The following ABCB9 variants were observed in gnomAD, a reference collection of about 807,000 sequenced individuals.
The protein encoded by ABCB9 is ABC-type oligopeptide transporter ABCB9.
Under a neutral mutation model 62.0 loss-of-function variants are expected in ABCB9, and 36 were observed. The observed-to-expected ratio is 0.58, with a 90% CI of 0.45 to 0.77. ABCB9 has a LOEUF of 0.77. Ranked by LOEUF, ABCB9 falls within the 30% of genes least tolerant of loss-of-function variation. ABCB9 has a pLI of 0.00. For synonymous variants in ABCB9, 435 were observed against 461.4 expected, an observed-to-expected ratio of 0.94 and a Z score of 0.73; for missense variants, 943 against 1,054.7, an observed-to-expected ratio of 0.89 and a Z score of 1.47.
intron 7 of ABCB9, among the ~76,000 whole-genome samples, chr12:122,941,347 T>C (rs932712188): frequency 1.3e-5 from 2 of 151,376 alleles, no homozygotes; most frequent in African/African-American, 4.9e-5. Context: ...TCTCCCTCTG[T>C]CGCCCAGGCT....
downstream of ABCB9, among the ~76,000 whole-genome samples, chr12:122,919,670 C>G (rs2034699888): frequency 6.6e-6 from 1 of 152,066 alleles, no homozygotes. Flanking sequence ...AGTTTATTAC[C>G]CAGTAGGATG....
At chr12:122,935,207 C>T in intron 10 of ABCB9, 65 bp downstream of exon 10, 1 of 1,490,524 alleles carries the variant, frequency 6.7e-7, no homozygotes. Context: ...GTGCTTAACT[C>T]AGAGGGTTAT....
chr12:122,957,812 C>A (rs1425596376), intron 2 of ABCB9, among the ~76,000 whole-genome samples: 1 of 150,062 alleles, frequency 6.7e-6, no homozygotes, highest in African/African-American at 2.5e-5. Context: ...CTCTGATGAT[C>A]CCAGCTCCAG....
intron 1 of ABCB9, among the ~76,000 whole-genome samples, chr12:122,972,441 G>A (rs1419463319): frequency 1.3e-5 from 2 of 152,176 alleles, no homozygotes; most frequent in Non-Finnish European, 2.9e-5. Context: ...GCGCTTCTAC[G>A]GGGGCTGGAA....
At chr12:122,960,428 A>C in intron 1 of ABCB9, 106 bp from the exon 2 acceptor site, 15 of 758,104 alleles carry the variant, frequency 2.0e-5, no homozygotes, top group Non-Finnish European at 3.1e-5. Flanking sequence ...TAGTTTTCTC[A>C]TCTGTAAAAT....
chr12:122,947,719 C>G lies in ABCB9; in HGVS notation c.1053+905G>C. On this transcript the variant is annotated intron_variant, in intron 5 of 11. Transcript: ENST00000280560. This position sits in a 1 kb window ranked among gnomAD's most constrained non-coding sequence, Gnocchi z 6.0. ...AGCAGAAGCAGTGCCGTGGGGTGGC[C>G]AGAGGGGACAGCAGCCTGCCCATGA... 1 of 256,774 alleles carries G rather than the reference C, an allele frequency of 3.9e-6. No individual in the cohort carries two copies. The highest frequency in any genetic ancestry group is 8.3e-6 in the Non-Finnish European group (1 of 121,032). 15.9% of individuals were successfully genotyped at this position (256,774 alleles called of 1,614,324 possible).
Position 122,959,514 on chromosome 12 carries a change from T to C in ABCB9, c.601+121A>G. On this transcript the variant is annotated intron_variant, in intron 2 of 11. Transcript: ENST00000280560. This position sits in a 1 kb window ranked among gnomAD's most constrained non-coding sequence, Gnocchi z 5.4. ...ATATGAGCCACTATGCCTGGCCTCT[T>C]TTCCTTTTCATATCAATTTGATGTC... The C allele has an allele frequency of 6.8e-7, 1 of 1,473,130 alleles. No homozygotes were observed. The highest frequency in any genetic ancestry group is 1.4e-5 in the South Asian group (1 of 70,168). 91.3% of individuals were successfully genotyped at this position (1,473,130 alleles called of 1,614,324 possible).
At chr12:122,954,946 AT>A (rs1412458179) in intron 2 of ABCB9, among the ~76,000 whole-genome samples, 2 of 152,204 alleles carry the variant, frequency 1.3e-5, no homozygotes, top group Non-Finnish European at 2.9e-5. Context: ...TTGAAAAATA[AT>A]TATTAATAAT....
chr12:122,951,551 T>C (rs1374051883), intron 2 of ABCB9: 1 of 152,122 alleles, frequency 6.6e-6, no homozygotes, highest in Non-Finnish European at 1.5e-5. Flanking sequence ...ATGAGATGAC[T>C]CGTCCAGGCC....
rs545516491 is a variant in ABCB9, at chr12:122,923,503, A to G, written c.2041-2460T>C. ...ACGGGGTTTCACTGTGTTAGCCAGG[A>G]TGGTCTCCATCTCCTGACCTCGTGA... On this transcript the variant is annotated intron_variant, in intron 11 of 11. Coordinates refer to the ABCB9 transcript ENST00000344275. Among the ~76,000 whole-genome samples, 7 of 152,042 alleles carry G rather than the reference A, an allele frequency of 4.6e-5. No individual in the cohort carries two copies. The South Asian group carries it at 1.2e-3, about 27-fold the overall frequency.
Position 122,932,348 on chromosome 12 carries a change from A to G in ABCB9, c.1904-20T>C. 3.2e-6 allele frequency: 5 copies of G among 1,543,212 alleles called. No individual in the cohort carries two copies. The highest frequency in any genetic ancestry group is 4.4e-6 in the Non-Finnish European group (5 of 1,141,104). On this transcript the variant is annotated intron_variant, in intron 10 of 11. Coordinates refer to ENST00000280560, the MANE Select transcript of ABCB9 (RefSeq NM_019625.4). The surrounding 1 kb of genome is among the most constrained non-coding windows in gnomAD (Gnocchi z 4.7). Reference sequence around the variant, plus strand: ...CTGTCTCTGTATGGTGGAGGCACAGAGACAATTTAGCAATGGGTGAGGCCG... The same window carrying G: ...CTGTCTCTGTATGGTGGAGGCACAGGGACAATTTAGCAATGGGTGAGGCCG...
chr12:122,942,618 CAAAAAAA>C (rs549481027), intron 7 of ABCB9, among the ~76,000 whole-genome samples: 2 of 50,806 alleles, frequency 3.9e-5, no homozygotes, highest in African/African-American at 1.5e-4. Flanking sequence ...GACTCCATCT[CAAAAAAA>C]AAAAAAAAAA....
At chr12:122,961,147 G>A (rs901642909) in intron 1 of ABCB9, among the ~76,000 whole-genome samples, 2 of 151,472 alleles carry the variant, frequency 1.3e-5, no homozygotes, top group African/African-American at 2.4e-5. Context: ...GGGTGAGGGT[G>A]AATAGGATAG....
At chr12:122,928,116 G>A (rs1467238247), downstream of ABCB9, among the ~76,000 whole-genome samples, 1 of 152,126 alleles carries the variant, frequency 6.6e-6, no homozygotes, top group Non-Finnish European at 1.5e-5. Context: ...ACCGCTAGAT[G>A]AGATCAGCCC....
Position 122,932,797 on chromosome 12 carries a change from A to G in ABCB9, c.1904-469T>C, listed in dbSNP as rs904303520. Among the ~76,000 whole-genome samples the G allele has an allele frequency of 4.6e-5, 7 of 152,224 alleles. No homozygotes were observed. The highest frequency in any genetic ancestry group is 4.1e-4 in the South Asian group (2 of 4,824). On this transcript the variant is annotated intron_variant, in intron 10 of 11. Transcript: ENST00000280560. This position sits in a 1 kb window ranked among gnomAD's most constrained non-coding sequence, Gnocchi z 4.7. The stretch of plus-strand genomic sequence containing the variant: ...GGACCGACTTCCTCCCATGCACAAC[A>G]ATATAGACACAGGTCACCTGTGACC...
At chr12:122,956,333 GC>G (rs369969668) in intron 2 of ABCB9, among the ~76,000 whole-genome samples, 34 of 152,156 alleles carry the variant, frequency 2.2e-4, no homozygotes, top group African/African-American at 7.7e-4. Context: ...TAAATAACTT[GC>G]CTAACCTCAC....
Position 122,932,438 on chromosome 12 carries a change from C to G in ABCB9, c.1904-110G>C. The G allele has an allele frequency of 2.9e-6, 4 of 1,382,748 alleles. No individual in the cohort carries two copies. The highest frequency in any genetic ancestry group is 3.8e-6 in the Non-Finnish European group (4 of 1,043,274). 85.7% of individuals were successfully genotyped at this position (1,382,748 alleles called of 1,614,324 possible). ...TGTGGAAAGGGCGGGCTGGAACCCACAACTTGAAAGCTCATGAAATGATGT... is the reference window on the plus strand; with the variant it reads ...TGTGGAAAGGGCGGGCTGGAACCCAGAACTTGAAAGCTCATGAAATGATGT... On this transcript the variant is annotated intron_variant, in intron 10 of 11. Coordinates refer to ENST00000280560, the MANE Select transcript of ABCB9 (RefSeq NM_019625.4). The surrounding 1 kb of genome is among the most constrained non-coding windows in gnomAD (Gnocchi z 4.7).
At chr12:122,946,618 A>T in intron 5 of ABCB9, 1 of 244,712 alleles carries the variant, frequency 4.1e-6, no homozygotes. Context: ...CAGGTTGTAC[A>T]CTATTTAAGA....
At chr12:122,919,881 G>T (rs373628717), downstream of ABCB9, among the ~76,000 whole-genome samples, 27 of 138,896 alleles carry the variant, frequency 1.9e-4, no homozygotes, top group African/African-American at 5.7e-4. Context: ...CTGTTTGTTT[G>T]TTTATTTATT....
Sources: gnomAD v4.1 joint callset for allele counts (sites outside exome capture counted in the v4.1 genomes callset) on GRCh38, gnomAD v4.1.1 for gene constraint, Gnocchi (gnomAD v3.1) non-coding constraint, MANE v1.5 for transcripts, NCBI Gene and HGNC (gene_info 2026-07-23, HGNC 2026-07-21) for gene names.